The following CNGA1 variants were observed in gnomAD, a reference collection of about 807,000 sequenced individuals.
CNGA1 encodes the protein cyclic nucleotide-gated channel alpha-1.
Under a neutral mutation model 69.7 loss-of-function variants are expected in CNGA1, and 53 were observed. The ratio of observed to expected loss-of-function variants is 0.76; its 90% CI spans 0.61 to 0.96. The LOEUF is 0.96. Among genes scored for constraint, CNGA1 ranks in the 40% least tolerant of loss-of-function variants. CNGA1 has a pLI of 0.00. For synonymous variants in CNGA1, 249 were observed against 283.5 expected, an observed-to-expected ratio of 0.88 and a Z score of 1.22; for missense variants, 739 against 811.2, an observed-to-expected ratio of 0.91 and a Z score of 1.08.
intron 3 of CNGA1, among the ~76,000 whole-genome samples, chr4:47,955,173 CTTTTTTTTTTTTTTT>C (rs377338639): frequency 2.0e-5 from 2 of 98,208 alleles, no homozygotes; most frequent in Admixed American, 2.4e-4. Flanking sequence ...TTTTTCTTTT[CTTTTTTTTTTTTTTT>C]TTTTTTTTTT....
chr4:48,002,644 G>T (rs1714708983), intron 2 of CNGA1, among the ~76,000 whole-genome samples: 1 of 150,434 alleles, frequency 6.6e-6, no homozygotes, highest in African/African-American at 2.4e-5. Context: ...ATAGGAGCTG[G>T]GTTGGCTGGT....
In CNGA1 at chr4:47,944,934, G is replaced by A. The variant is rs141019034; in HGVS notation, c.288-1522C>T. Among the ~76,000 whole-genome samples, 477 of 152,302 alleles carry A rather than the reference G, an allele frequency of 3.1e-3. 3 individuals are homozygous for A. The highest frequency in any genetic ancestry group is 0.017 in the South Asian group (84 of 4,826). ...GTCTTAACCCATAGACAGCTATGGA[G>A]GAGGTTAATAGAATATAGTATTCCT... On this transcript the variant is annotated intron_variant, in intron 6 of 10. Coordinates refer to ENST00000514170, the MANE Select transcript of CNGA1 (RefSeq NM_001379270.1).
At chr4:48,012,513 T>C (rs533200495) in intron 1 of CNGA1, among the ~76,000 whole-genome samples, 1 of 148,248 alleles carries the variant, frequency 6.7e-6, no homozygotes, top group East Asian at 2.0e-4. Flanking sequence ...CAAAAATCCT[T>C]CCTCTTTTTC....
intron 1 of CNGA1, among the ~76,000 whole-genome samples, chr4:48,011,669 G>C (rs1715172021): frequency 6.6e-6 from 1 of 152,148 alleles, no homozygotes; most frequent in South Asian, 2.1e-4. Context: ...TTTTAGAGAG[G>C]CACAAGACAT....
intron 3 of CNGA1, among the ~76,000 whole-genome samples, chr4:47,962,041 C>A (rs1223241174): frequency 1.3e-5 from 2 of 152,078 alleles, no homozygotes; most frequent in Admixed American, 6.6e-5. Context: ...TATCTGATTA[C>A]AGATTTTTAA....
At chr4:47,979,659 A>G (rs753121697) in intron 3 of CNGA1, among the ~76,000 whole-genome samples, 13 of 152,344 alleles carry the variant, frequency 8.5e-5, no homozygotes, top group South Asian at 4.1e-4. Flanking sequence ...AGGATGCAGT[A>G]GCTTTTTTGG....
intron 6 of CNGA1, among the ~76,000 whole-genome samples, chr4:47,944,327 T>C (rs1451822099): frequency 6.6e-6 from 1 of 152,076 alleles, no homozygotes; most frequent in Non-Finnish European, 1.5e-5. Context: ...GAAGATAAGA[T>C]TGACAAGTGA....
At chr4:47,972,326 T>A (rs912980062) in intron 3 of CNGA1, among the ~76,000 whole-genome samples, 2 of 152,212 alleles carry the variant, frequency 1.3e-5, no homozygotes, top group Non-Finnish European at 2.9e-5. Flanking sequence ...AATGCTGCAA[T>A]AAAAGTCCCT....
At chr4:47,995,367 T>C (rs1207990996) in intron 2 of CNGA1, among the ~76,000 whole-genome samples, 2 of 152,190 alleles carry the variant, frequency 1.3e-5, no homozygotes, top group African/African-American at 4.8e-5. Context: ...TTTGTCTTTG[T>C]TGGATTGGAT....
chr4:48,015,334 GTA>G (rs1215578171), intron 1 of CNGA1, among the ~76,000 whole-genome samples: 3 of 152,170 alleles, frequency 2.0e-5, no homozygotes, highest in African/African-American at 7.2e-5. Context: ...TCATCCATAT[GTA>G]TTATAAAAGT....
intron 2 of CNGA1, among the ~76,000 whole-genome samples, chr4:47,999,744 G>A (rs1202861409): frequency 2.6e-5 from 4 of 152,076 alleles, no homozygotes; most frequent in East Asian, 1.9e-4. Context: ...GGTGGCACTC[G>A]CCTGTAGTCC....
chr4:47,962,984 G>A (rs577027213), intron 3 of CNGA1, among the ~76,000 whole-genome samples: 6 of 151,604 alleles, frequency 4.0e-5, no homozygotes, highest in Non-Finnish European at 8.8e-5. Context: ...TTGACACAGG[G>A]TCTTACCCTG....
Position 47,991,349 on chromosome 4 carries a change from T to C in CNGA1, c.-122-9849A>G, listed in dbSNP as rs180924564. On this transcript the variant is annotated intron_variant, in intron 2 of 10. Transcript: ENST00000514170. The stretch of plus-strand genomic sequence containing the variant: ...TTTTCTGATATTTTGATTATGGCCA[T>C]TCTTGCAGGAGTAAGATGGTATTGC... 1.2e-4 allele frequency among the ~76,000 whole-genome samples: 19 copies of C among 152,338 alleles called. No homozygotes were observed. In the East Asian group the frequency reaches 3.7e-3, roughly 29 times the overall value.
At chr4:47,945,259 CAGACCTAAGCCAGTACTT>C (rs373848209) in intron 6 of CNGA1, among the ~76,000 whole-genome samples, 139 of 152,162 alleles carry the variant, frequency 9.1e-4, no homozygotes, top group African/African-American at 2.9e-3. Context: ...TGAACAGTTC[CAGACCTAAGCCAGTACTT>C]AGACCTAAGC....
At chr4:47,985,760 A>ACC (rs146948485) in intron 2 of CNGA1, among the ~76,000 whole-genome samples, 12 of 148,606 alleles carry the variant, frequency 8.1e-5, no homozygotes, top group Non-Finnish European at 1.2e-4. Flanking sequence ...ATCTTCCCCC[A>ACC]CCCCCCCAAA....
At chr4:47,988,326 C>T (rs1578115795) in intron 2 of CNGA1, among the ~76,000 whole-genome samples, 3 of 151,634 alleles carry the variant, frequency 2.0e-5, no homozygotes, top group African/African-American at 4.8e-5. Context: ...TTTTCTCTCA[C>T]AAAAAACAGG....
intron 10 of CNGA1, 109 bp from the exon 11 acceptor site, chr4:47,937,938 TC>T: frequency 1.3e-6 from 1 of 758,016 alleles, no homozygotes; most frequent in Non-Finnish European, 2.3e-6. Flanking sequence ...AAATTCATTT[TC>T]AATAAATATG....
intron 2 of CNGA1, among the ~76,000 whole-genome samples, chr4:47,984,318 A>G (rs1173355830): frequency 6.6e-6 from 1 of 152,086 alleles, no homozygotes; most frequent in African/African-American, 2.4e-5. Flanking sequence ...TACTTTTTAT[A>G]ATATTCTTGT....
chr4:47,949,696 A>G (rs1266454850), intron 6 of CNGA1, 137 bp downstream of exon 6: 6 of 664,280 alleles, frequency 9.0e-6, no homozygotes, highest in South Asian at 2.0e-5. Flanking sequence ...CAACAAAATG[A>G]TAAGACTATC....
Sources: allele counts gnomAD v4.1 joint callset (sites outside exome capture counted in the v4.1 genomes callset), GRCh38; gene constraint gnomAD v4.1.1; transcripts MANE v1.5; gene names NCBI Gene and HGNC (gene_info 2026-07-23, HGNC 2026-07-21).